Variants in MAP2K6 observed in about 807,000 individuals in gnomAD.
MAP2K6 encodes the protein dual specificity mitogen-activated protein kinase kinase 6.
MAP2K6 carries 16 observed loss-of-function variants against 53.7 expected under a neutral mutation model. That is an observed-to-expected ratio of 0.30 (90% confidence interval 0.20 to 0.45). The LOEUF (loss-of-function observed/expected upper bound fraction) is 0.45, where lower values mean the gene tolerates loss of function less well. MAP2K6 is among the 20% of genes least tolerant of loss of function. The pLI is 1.00. For missense variants in MAP2K6, 204 were observed against 411.9 expected (o/e 0.50, Z 4.37); for synonymous variants, 132 against 143.1 (o/e 0.92, Z 0.55).
chr17:69,536,329 C>G (rs1911356910), intron 11 of MAP2K6, among the ~76,000 whole-genome samples, 169 bp downstream of exon 11: 1 of 152,194 alleles, frequency 6.6e-6, no homozygotes, highest in African/African-American at 2.4e-5. Flanking sequence ...ATCCTACATC[C>G]TTCTTAAACA....
At chr17:69,472,066 G>T (rs192572502) in intron 1 of MAP2K6, among the ~76,000 whole-genome samples, 1 of 152,116 alleles carries the variant, frequency 6.6e-6, no homozygotes, top group Non-Finnish European at 1.5e-5. Context: ...GTTATTCTGA[G>T]CATGTTGATT....
In MAP2K6 at chr17:69,549,977, A is replaced by AT. The variant is rs1257121688; in HGVS notation, c.*8224_*8225insT. 1.3e-5 allele frequency: 2 copies of AT among 152,146 alleles called. No homozygotes were observed. The highest frequency in any genetic ancestry group is 4.8e-5 in the African/African-American group (2 of 41,440). The allele number at this position is 152,146 out of a possible 1,614,324, so 9.4% of individuals were successfully genotyped here. On this transcript the variant is annotated 3_prime_UTR_variant, in exon 12 of 12. Coordinates refer to ENST00000590474, the MANE Select transcript of MAP2K6 (RefSeq NM_002758.4). ...AAGGAGCAAGCTGATTAAAAAAAAA[A>AT]GCTGGCAGACAAGTATATCTTTTAA... is the stretch of plus-strand genomic sequence containing the variant.
chr17:69,520,436 C>T (rs1163738238), intron 6 of MAP2K6, 50 bp downstream of exon 6: 1 of 1,117,540 alleles, frequency 8.9e-7, no homozygotes, highest in Admixed American at 2.1e-5. Flanking sequence ...AAATAAAGTC[C>T]CTATGTGTCT....
intron 1 of MAP2K6, among the ~76,000 whole-genome samples, chr17:69,444,227 T>C (rs1284789433): frequency 6.6e-6 from 1 of 152,154 alleles, no homozygotes; most frequent in Non-Finnish European, 1.5e-5. Context: ...CACTGTGTGA[T>C]ATATATTGTG....
intron 1 of MAP2K6, among the ~76,000 whole-genome samples, chr17:69,457,407 A>G (rs1362875787): frequency 1.3e-5 from 2 of 152,178 alleles, no homozygotes; most frequent in Non-Finnish European, 1.5e-5. Context: ...GTCTGAATGA[A>G]CATAGGAGCT....
chr17:69,523,255 A>G (rs1416740100), intron 7 of MAP2K6, among the ~76,000 whole-genome samples: 1 of 152,236 alleles, frequency 6.6e-6, no homozygotes, highest in East Asian at 1.9e-4. Flanking sequence ...TGAAGATCAT[A>G]AAATCAGTGG....
chr17:69,474,315 G>A (rs114285922), intron 1 of MAP2K6, among the ~76,000 whole-genome samples: 2,570 of 152,306 alleles, frequency 0.017, 80 homozygotes, highest in African/African-American at 0.059. Flanking sequence ...TCATAGGTTG[G>A]CTGAGTCTGC....
intron 1 of MAP2K6, among the ~76,000 whole-genome samples, chr17:69,425,119 G>T (rs1009720442): frequency 1.3e-5 from 2 of 152,054 alleles, no homozygotes; most frequent in Non-Finnish European, 2.9e-5. Flanking sequence ...CCCCTTTTTG[G>T]CTTAGTGACT....
At chr17:69,518,198 T>TTAA (rs71144699) in intron 4 of MAP2K6, among the ~76,000 whole-genome samples, 66,591 of 149,428 alleles carry the variant, frequency 0.45, 14,941 homozygotes, top group Middle Eastern at 0.52. Flanking sequence ...TCAAATAATA[T>TTAA]TAATAATAAT....
intron 2 of MAP2K6, among the ~76,000 whole-genome samples, chr17:69,507,850 A>G (rs761306349): frequency 1.3e-5 from 2 of 152,130 alleles, no homozygotes; most frequent in South Asian, 2.1e-4. Flanking sequence ...CAATAGTGCA[A>G]TTGCTGGGTT....
At chr17:69,423,827 T>G (rs1906175403) in intron 1 of MAP2K6, among the ~76,000 whole-genome samples, 1 of 152,226 alleles carries the variant, frequency 6.6e-6, no homozygotes, top group South Asian at 2.1e-4. Context: ...CCTGAGACTC[T>G]TCATCCTCCC....
intron 6 of MAP2K6, chr17:69,520,840 C>T: frequency 2.1e-6 from 1 of 477,546 alleles, no homozygotes; most frequent in Non-Finnish European, 3.7e-6. Context: ...ATGAGGGAGA[C>T]ATCCTCTCTG....
rs1030022854 is a variant in MAP2K6, at chr17:69,494,567, G to C, written c.17-11213G>C. Among the ~76,000 whole-genome samples, 2 of 152,084 alleles carry C rather than the reference G, an allele frequency of 1.3e-5. No homozygotes were observed. The highest frequency in any genetic ancestry group is 4.8e-5 in the African/African-American group (2 of 41,408). ...TGGATTAAAAGGGAAATAAGACCCT[G>C]TACTGATAGCATTCTAGGGGAGGAG... On this transcript the variant is annotated intron_variant, in intron 1 of 11. Coordinates refer to ENST00000590474, the MANE Select transcript of MAP2K6 (RefSeq NM_002758.4). The surrounding 1 kb of genome is among the most constrained non-coding windows in gnomAD (Gnocchi z 4.2).
intron 2 of MAP2K6, among the ~76,000 whole-genome samples, chr17:69,511,335 T>A (rs995523286): frequency 1.4e-4 from 21 of 152,150 alleles, no homozygotes; most frequent in African/African-American, 5.1e-4. Context: ...GCTCCCACAT[T>A]TTGTGTTTTT....
Position 69,541,864 on chromosome 17 carries a change from C to T in MAP2K6, c.*111C>T, listed in dbSNP as rs1911654629. ...CATCTTTGAGATAATTTAACCCTGC[C>T]TCTCAGAGGGTTTTCTCTCCCAATT... On this transcript the variant is annotated 3_prime_UTR_variant, in exon 12 of 12. Transcript: ENST00000590474. 2 of 771,412 alleles carry T rather than the reference C, an allele frequency of 2.6e-6. No individual in the cohort carries two copies. The highest frequency in any genetic ancestry group is 3.5e-5 in the African/African-American group (2 of 56,782). 47.8% of individuals were successfully genotyped at this position (771,412 alleles called of 1,614,324 possible).
chr17:69,490,852 T>C (rs912449415), intron 1 of MAP2K6, among the ~76,000 whole-genome samples: 7 of 152,144 alleles, frequency 4.6e-5, no homozygotes, highest in African/African-American at 1.7e-4. Context: ...TTATTTTTCC[T>C]GATCCTCTCC....
chr17:69,466,550 C>T (rs960152113), intron 1 of MAP2K6, among the ~76,000 whole-genome samples: 7 of 152,200 alleles, frequency 4.6e-5, no homozygotes, highest in African/African-American at 1.4e-4. Flanking sequence ...CTCAAGCCAT[C>T]GGCACTGCAT....
intron 1 of MAP2K6, among the ~76,000 whole-genome samples, chr17:69,463,427 ATATAAG>A (rs1211122423): frequency 3.3e-5 from 5 of 149,496 alleles, no homozygotes; most frequent in African/African-American, 4.9e-5. Flanking sequence ...ATAATAGTGA[ATATAAG>A]TATATTATTC....
intron 1 of MAP2K6, 118 bp downstream of exon 1, chr17:69,415,118 C>A: frequency 1.1e-6 from 1 of 907,988 alleles, no homozygotes; most frequent in Non-Finnish European, 1.8e-6. Context: ...TTCCACAGCT[C>A]AGTTGCATTT....
Sources: allele counts gnomAD v4.1 joint callset (sites outside exome capture counted in the v4.1 genomes callset), GRCh38; gene constraint gnomAD v4.1.1; non-coding constraint Gnocchi (gnomAD v3.1); transcripts MANE v1.5; gene names NCBI Gene and HGNC (gene_info 2026-07-23, HGNC 2026-07-21).